UTP14A: variants seen among roughly 807,000 people sequenced by gnomAD.
The protein encoded by UTP14A is UTP14A small subunit processome component.
UTP14A carries 5 observed loss-of-function variants against 57.2 expected under a neutral mutation model. The observed-to-expected ratio is 0.09, with a 90% CI of 0.05 to 0.18. The LOEUF (loss-of-function observed/expected upper bound fraction) is 0.18. Ranked by LOEUF, UTP14A falls within the 10% of genes least tolerant of loss-of-function variation. The pLI, the probability that UTP14A is intolerant of heterozygous loss-of-function variation, is 1.00. For synonymous variants in UTP14A, 169 were observed against 210.9 expected, an observed-to-expected ratio of 0.80 and a Z score of 1.72; for missense variants, 430 against 562.1, an observed-to-expected ratio of 0.76 and a Z score of 2.38.
In UTP14A at chrX:129,911,825, C is replaced by T. The variant is rs1487064756; in HGVS notation, c.441C>T (p.Val147=). Residue 147 remains valine, a synonymous_variant, in exon 6 of 15, where the codon GTC becomes GTT. Transcript: ENST00000394422. ...TAQVLSKWDP[V]VLKNRQAEQL... is the part of the protein sequence containing the mutation. ...AAGTCCTCTCCAAATGGGACCCTGT[C>T]GTCCTGAAGAACCGGCAGGCAGAGC... 5.8e-6 allele frequency: 7 copies of T among 1,211,502 alleles called. No individual in the cohort carries two copies. The highest frequency in any genetic ancestry group is 6.7e-6 in the Non-Finnish European group (6 of 895,431).
chrX:129,910,260 G>A (rs772562331), intron 4 of UTP14A, among the ~76,000 whole-genome samples: 1 of 111,865 alleles, frequency 8.9e-6, no homozygotes, highest in East Asian at 2.8e-4. Flanking sequence ...GTTGATATGA[G>A]GTTAGAGAGG....
At chrX:129,919,367 G>T (rs1252008596) in intron 7 of UTP14A, 28 bp from the exon 8 acceptor site, 1 of 1,211,480 alleles carries the variant, frequency 8.3e-7, no homozygotes, top group Non-Finnish European at 1.1e-6. Flanking sequence ...TCTGGCCCAG[G>T]TGTCACTGTA....
Position 129,925,946 on chromosome X carries a change from C to T in UTP14A, c.1777C>T (p.Gln593Ter). 1 of 1,211,118 alleles carries T rather than the reference C, an allele frequency of 8.3e-7. No individual in the cohort carries two copies. ...AGATGAAGAGGAGAGAAACCATAGG[C>T]AGATGATAAAGGAAGCTTTTGCTGG... Reference protein sequence around the residue: ...LEDEEERNHRQMIKEAFAGDD... With the variant: ...LEDEEERNHR The change falls in exon 13 of 15, where the codon CAG becomes TAG. Residue 593 changes from glutamine to a stop codon, truncating the protein, a stop_gained. Coordinates refer to ENST00000394422, the MANE Select transcript of UTP14A (RefSeq NM_006649.4). LOFTEE classifies it high-confidence loss of function.
At chrX:129,911,243 GGGA>G in intron 5 of UTP14A, 93 bp downstream of exon 5, 2 of 1,030,417 alleles carry the variant, frequency 1.9e-6, no homozygotes, top group South Asian at 5.0e-5. Context: ...CCTGAAAAAT[GGGA>G]GAAGGGGGAG....
At chrX:129,924,673 G>A (rs1031958969) in intron 11 of UTP14A, 122 bp from the exon 12 acceptor site, 9 of 874,799 alleles carry the variant, frequency 1.0e-5, no homozygotes, top group Admixed American at 3.1e-5. Context: ...TCTTTTCCCC[G>A]TTTGTCCTTT....
intron 2 of UTP14A, among the ~76,000 whole-genome samples, chrX:129,907,744 C>G (rs749378294): frequency 7.2e-5 from 8 of 111,549 alleles, no homozygotes; most frequent in South Asian, 7.5e-4. Context: ...ATCACAAGGT[C>G]AGGAGATTGA....
chrX:129,925,733 G>A (rs1198874232), intron 12 of UTP14A, among the ~76,000 whole-genome samples, 186 bp from the exon 13 acceptor site: 1 of 112,234 alleles, frequency 8.9e-6, no homozygotes, highest in Non-Finnish European at 1.9e-5. Context: ...ATGAGCTAGG[G>A]ATATTTACCC....
chrX:129,908,607 C>G, intron 3 of UTP14A, 63 bp from the exon 4 acceptor site: 1 of 1,064,204 alleles, frequency 9.4e-7, no homozygotes, highest in East Asian at 3.0e-5. Flanking sequence ...GTGTTTGTCT[C>G]TCCCAACCCC....
chrX:129,907,526 ATTTG>A, intron 2 of UTP14A, 84 bp downstream of exon 2: 1 of 852,776 alleles, frequency 1.2e-6, no homozygotes, highest in Non-Finnish European at 1.7e-6. Context: ...TGTTCTATGT[ATTTG>A]TTCAGGTCTC....
chrX:129,908,764 A>T, intron 4 of UTP14A, 30 bp downstream of exon 4: 1 of 1,188,599 alleles, frequency 8.4e-7, no homozygotes. Context: ...ATACCCATGC[A>T]TGAAACCTGT....
In UTP14A at chrX:129,911,906, G is replaced by A. The variant is rs762354031; in HGVS notation, c.522G>A (p.Val174=). The change falls in exon 6 of 15, where the codon GTG becomes GTA. Residue 174 remains valine (V), a synonymous_variant. Coordinates refer to ENST00000394422, the MANE Select transcript of UTP14A (RefSeq NM_006649.4). Reference sequence around the variant, plus strand: ...CAGCCATTGCTCCCATTGAACATGTGCTCAGTGGCTGGAAGGTGAGTACAA... The same window carrying A: ...CAGCCATTGCTCCCATTGAACATGTACTCAGTGGCTGGAAGGTGAGTACAA... ...EEPAIAPIEH[V]LSGWKARTPL... is the part of the protein sequence containing the mutation. The A allele has an allele frequency of 1.7e-6, 2 of 1,211,034 alleles. No homozygotes were observed. The highest frequency in any genetic ancestry group is 3.5e-5 in the South Asian group (2 of 56,911).
At chrX:129,912,639 C>G (rs895348034) in intron 6 of UTP14A, among the ~76,000 whole-genome samples, 2 of 110,953 alleles carry the variant, frequency 1.8e-5, no homozygotes, top group African/African-American at 6.6e-5. Flanking sequence ...ACAACAGAAG[C>G]CAAACTTTGC....
Position 129,906,203 on chromosome X carries a change from C to T in UTP14A, c.-8C>T. ...TCTTGGTCCATGTGAGAGAAGCTGG[C>T]TGCTGAAATGACTGCGAACCGGCTT... On this transcript the variant is annotated 5_prime_UTR_variant, in exon 1 of 15. Transcript: ENST00000394422. The T allele has an allele frequency of 8.3e-7, 1 of 1,210,611 alleles. No individual in the cohort carries two copies. The highest frequency in any genetic ancestry group is 1.1e-6 in the Non-Finnish European group (1 of 894,866).
At chrX:129,914,065 T>C (rs895710758) in intron 6 of UTP14A, among the ~76,000 whole-genome samples, 1 of 111,887 alleles carries the variant, frequency 8.9e-6, no homozygotes, top group African/African-American at 3.2e-5. Flanking sequence ...CTCTTCAAGA[T>C]AGAGTGAGGC....
At chrX:129,928,152 G>A (rs1250447980) in intron 14 of UTP14A, among the ~76,000 whole-genome samples, 7 of 108,358 alleles carry the variant, frequency 6.5e-5, no homozygotes, top group Non-Finnish European at 1.3e-4. Flanking sequence ...AGGCCAAGGC[G>A]GGTGGATCAC....
Position 129,926,131 on chromosome X carries a change from GTC to G in UTP14A, c.1943+21_1943+22del, listed in dbSNP as rs752929332. 1.0e-4 allele frequency: 122 copies of G among 1,208,744 alleles called. No homozygotes were observed. Among genetic ancestry groups the G allele is most frequent in the Non-Finnish European group, 1.2e-4 (111 of 894,404 alleles). The stretch of plus-strand genomic sequence containing the variant: ...GACGCCGGTAAGAATGCCGAAGAAA[GTC>G]TGTCAAAAGGGCACCGGGTTCTCCC... On this transcript the variant is annotated intron_variant, in intron 13 of 14. Coordinates refer to ENST00000394422, the MANE Select transcript of UTP14A (RefSeq NM_006649.4).
rs1385368183 is a variant in UTP14A at position 129,908,118 on chromosome X, A to T, written c.161A>T (p.Asp54Val). The part of the protein sequence containing the change: ...QKLLEAISSL[D>V]GKNRRKLAER... ...CTTCTGGAAGCAATCAGTTCCCTTG[A>T]TGGAAAGAATAGGTAACGTTCCCGT... The change falls in exon 3 of 15, where the codon GAT becomes GTT. Residue 54 changes from aspartate (D) to valine (V), a missense_variant. Physicochemically the swap from Asp to Val is radical, Grantham distance 152. Coordinates refer to ENST00000394422, the MANE Select transcript of UTP14A (RefSeq NM_006649.4). The T allele has an allele frequency of 6.9e-5, 83 of 1,203,644 alleles. No individual in the cohort carries two copies. The highest frequency in any genetic ancestry group is 8.7e-5 in the Non-Finnish European group (78 of 892,378).
At chrX:129,912,652 G>A (rs1012811886) in intron 6 of UTP14A, among the ~76,000 whole-genome samples, 1 of 111,103 alleles carries the variant, frequency 9.0e-6, no homozygotes, top group Non-Finnish European at 1.9e-5. Flanking sequence ...AACTTTGCTT[G>A]TACAGGAATA....
rs1929580655 is a variant in UTP14A, at chrX:129,913,962, T to C, written c.537+2041T>C. 5.5e-5 allele frequency among the ~76,000 whole-genome samples: 6 copies of C among 110,043 alleles called. No homozygotes were observed. The South Asian group carries it at 1.5e-3, about 28-fold the overall frequency. On this transcript the variant is annotated intron_variant, in intron 6 of 14. Transcript: ENST00000394422. ...TGCCACTGCACTCCAGCCTGTGCAA[T>C]AGAATGAGACTCTGTCTCAAAATAT...
Sources: gnomAD v4.1 joint callset for allele counts (sites outside exome capture counted in the v4.1 genomes callset) on GRCh38, gnomAD v4.1.1 for gene constraint, MANE v1.5 for transcripts, NCBI Gene and HGNC (gene_info 2026-07-23, HGNC 2026-07-21) for gene names.